DOK6: variants seen among roughly 807,000 people sequenced by gnomAD.
DOK6 encodes downstream of tyrosine kinase 6.
DOK6 carries 22 observed loss-of-function variants against 44.0 expected under a neutral mutation model. That is an observed-to-expected ratio of 0.50 (90% CI 0.36 to 0.71). The LOEUF (loss-of-function observed/expected upper bound fraction) is 0.71, where lower values mean the gene tolerates loss of function less well. DOK6 is among the 30% of genes least tolerant of loss of function. DOK6 has a pLI of 0.00. For synonymous variants in DOK6, 166 were observed against 145.5 expected (o/e 1.14, Z -1.01); for missense variants, 340 against 416.4 (o/e 0.82, Z 1.60).
At chr18:69,509,633 G>C (rs573642074) in intron 1 of DOK6, among the ~76,000 whole-genome samples, 19 of 84,326 alleles carry the variant, frequency 2.3e-4, no homozygotes, top group Non-Finnish European at 3.5e-4. Context: ...GCTAGGCTCT[G>C]TCTCAAAAAA....
chr18:69,583,843 T>G lies in DOK6; in HGVS notation c.175-15541T>G, dbSNP rs531953104. 3.8e-4 allele frequency among the ~76,000 whole-genome samples: 57 copies of G among 151,948 alleles called. 1 individual carries two copies. The South Asian group carries it at 0.011, about 29-fold the overall frequency. ...TAATATTTGGGCTGGGCGAGGTGGC[T>G]CACGCCTATAATCCCAGCACTTTGG... is the stretch of plus-strand genomic sequence containing the variant. On this transcript the variant is annotated intron_variant, in intron 2 of 7. Transcript: ENST00000382713.
At chr18:69,482,467 T>C (rs911156287) in intron 1 of DOK6, among the ~76,000 whole-genome samples, 2 of 152,032 alleles carry the variant, frequency 1.3e-5, no homozygotes, top group African/African-American at 2.4e-5. Flanking sequence ...GGGGAAAGAA[T>C]TGAAGAAAAA....
rs1030488618 is a variant in DOK6, at chr18:69,514,261, G to A, written c.67-50226G>A. On this transcript the variant is annotated intron_variant, in intron 1 of 7. Coordinates refer to ENST00000382713, the MANE Select transcript of DOK6 (RefSeq NM_152721.6). ...AAAAATGTAAATGAGTAAAAAAAAA[G>A]AAAGGGAAACAAGAAAAAAGGAGGG... Among the ~76,000 whole-genome samples the A allele has an allele frequency of 7.4e-5, 11 of 148,286 alleles. No individual in the cohort carries two copies. In the South Asian group the frequency reaches 2.4e-3, roughly 32 times the overall value.
chr18:69,773,191 C>G (rs905076401), intron 7 of DOK6, among the ~76,000 whole-genome samples: 5 of 151,686 alleles, frequency 3.3e-5, no homozygotes, highest in African/African-American at 4.8e-5. Flanking sequence ...AAACAAAAAA[C>G]AAAGTATTGA....
chr18:69,560,706 C>G (rs891154029), intron 1 of DOK6, among the ~76,000 whole-genome samples: 1 of 151,888 alleles, frequency 6.6e-6, no homozygotes, highest in African/African-American at 2.4e-5. Context: ...ATTAAAATAC[C>G]CTGTGTTTAT....
chr18:69,551,155 A>T (rs909812096), intron 1 of DOK6, among the ~76,000 whole-genome samples: 36 of 152,220 alleles, frequency 2.4e-4, no homozygotes, highest in Non-Finnish European at 4.4e-5. Flanking sequence ...ATAAAGATAT[A>T]GTGATAAGTG....
At chr18:69,836,623 C>T (rs1982062162) in intron 7 of DOK6, among the ~76,000 whole-genome samples, 1 of 152,180 alleles carries the variant, frequency 6.6e-6, no homozygotes, top group Non-Finnish European at 1.5e-5. Context: ...TAACCATTAA[C>T]AATTTTATTG....
At chr18:69,782,432 C>T (rs1050079590) in intron 7 of DOK6, among the ~76,000 whole-genome samples, 1 of 151,858 alleles carries the variant, frequency 6.6e-6, no homozygotes, top group Non-Finnish European at 1.5e-5. Flanking sequence ...AGGATGGTCT[C>T]GATCTCCTGA....
chr18:69,434,505 AG>A (rs1416709548), intron 1 of DOK6, among the ~76,000 whole-genome samples: 1 of 152,142 alleles, frequency 6.6e-6, no homozygotes, highest in Non-Finnish European at 1.5e-5. Flanking sequence ...AAAATGGAAA[AG>A]GTGGCCAGGC....
chr18:69,556,539 T>C (rs1342376968), intron 1 of DOK6, among the ~76,000 whole-genome samples: 1 of 152,178 alleles, frequency 6.6e-6, no homozygotes, highest in Non-Finnish European at 1.5e-5. Context: ...CCATCTACGA[T>C]ATTGAAATGG....
At chr18:69,502,272 A>T (rs1353678710) in intron 1 of DOK6, among the ~76,000 whole-genome samples, 1 of 152,076 alleles carries the variant, frequency 6.6e-6, no homozygotes, top group Non-Finnish European at 1.5e-5. Flanking sequence ...TTAGCGGAAT[A>T]TATTCAACAG....
chr18:69,818,113 G>C (rs1208231488), intron 7 of DOK6, among the ~76,000 whole-genome samples: 2 of 152,124 alleles, frequency 1.3e-5, no homozygotes, highest in African/African-American at 4.8e-5. Flanking sequence ...GGAACTTTGA[G>C]TACCTTATAA....
intron 1 of DOK6, among the ~76,000 whole-genome samples, chr18:69,418,098 G>A (rs1369640365): frequency 1.3e-5 from 2 of 152,174 alleles, no homozygotes; most frequent in Non-Finnish European, 2.9e-5. Flanking sequence ...TTGGTTGTCT[G>A]CTTTTGAGGC....
chr18:69,690,266 G>T (rs1986236575), intron 4 of DOK6, among the ~76,000 whole-genome samples: 1 of 152,082 alleles, frequency 6.6e-6, no homozygotes, highest in South Asian at 2.1e-4. Flanking sequence ...ACACTGAGCA[G>T]ATGGCACCTA....
chr18:69,427,500 T>G (rs1815830560), intron 1 of DOK6, among the ~76,000 whole-genome samples: 1 of 152,168 alleles, frequency 6.6e-6, no homozygotes, highest in Non-Finnish European at 1.5e-5. Context: ...GCTTATACAC[T>G]GTTAGTGGGA....
chr18:69,847,691 A>G lies in DOK6; in HGVS notation c.*6308A>G, dbSNP rs1338337918. 1 of 152,088 alleles carries G rather than the reference A, an allele frequency of 6.6e-6. No individual in the cohort carries two copies. The highest frequency in any genetic ancestry group is 6.6e-5 in the Admixed American group (1 of 15,260). The allele number at this position is 152,088 out of a possible 1,614,324, so 9.4% of individuals were successfully genotyped here. ...TCAGAAATGAGCAAAATATGTCAAT[A>G]TGAAATAATTTGAAATCAAATTCAG... On this transcript the variant is annotated 3_prime_UTR_variant, in exon 8 of 8. Transcript: ENST00000382713.
At chr18:69,752,112 A>T (rs535246817) in intron 6 of DOK6, among the ~76,000 whole-genome samples, 2 of 152,278 alleles carry the variant, frequency 1.3e-5, no homozygotes, top group South Asian at 4.1e-4. Flanking sequence ...CACAAAATAT[A>T]AGAACTGAAA....
chr18:69,749,051 A>G (rs1979081543), intron 6 of DOK6, among the ~76,000 whole-genome samples: 1 of 152,196 alleles, frequency 6.6e-6, no homozygotes. Context: ...AAACTAATGC[A>G]GGAACAGAAA....
intron 1 of DOK6, among the ~76,000 whole-genome samples, chr18:69,517,185 A>T (rs1599169413): frequency 2.0e-5 from 3 of 152,208 alleles, no homozygotes; most frequent in East Asian, 3.8e-4. Context: ...CTAAGTCAGA[A>T]TAGAGTCAAA....
Sources: gnomAD v4.1 joint callset for allele counts (sites outside exome capture counted in the v4.1 genomes callset) on GRCh38, gnomAD v4.1.1 for gene constraint, MANE v1.5 for transcripts, NCBI Gene and HGNC (gene_info 2026-07-23, HGNC 2026-07-21) for gene names.